Variants in EIF4ENIF1 observed in about 807,000 individuals in gnomAD.
EIF4ENIF1 encodes the protein eukaryotic translation initiation factor 4E nuclear import factor 1, also known as eukaryotic translation initiation factor 4E transporter.
A neutral mutation model predicts 110.5 loss-of-function variants in EIF4ENIF1; 23 were observed. The ratio of observed to expected loss-of-function variants is 0.21; its 90% CI spans 0.15 to 0.29. EIF4ENIF1 has a LOEUF of 0.29. Ranked by LOEUF, EIF4ENIF1 falls within the 10% of genes least tolerant of loss-of-function variation. The probability of loss-of-function intolerance (pLI) is 1.00; values close to 1 mark genes in which losing one functional copy is unlikely to be tolerated. For synonymous variants in EIF4ENIF1, 440 were observed against 437.0 expected, an observed-to-expected ratio of 1.01 and a Z score of -0.09; for missense variants, 1,031 against 1,221.1, an observed-to-expected ratio of 0.84 and a Z score of 2.32.
intron 2 of EIF4ENIF1, among the ~76,000 whole-genome samples, chr22:31,482,409 C>T (rs1014439062): frequency 6.6e-6 from 1 of 152,116 alleles, no homozygotes; most frequent in South Asian, 2.1e-4. Flanking sequence ...TGGCCGGGTG[C>T]GGTAGCTCAC....
In EIF4ENIF1 at chr22:31,444,688, T is replaced by G; in HGVS notation, c.1991A>C (p.Gln664Pro). ...TGCTGGTGACTTGGTCACTCGCTGT[T>G]GCCTGTGAACAAACCAATTATCAGC... Reference protein sequence around the residue: ...DRTRDGFRNRQQRVTKSPAPV... With the variant: ...DRTRDGFRNRPQRVTKSPAPV... Residue 664 changes from glutamine to proline, a missense_variant and splice_region_variant, in exon 15 of 19, where the codon CAA becomes CCA. Physicochemically the swap from Gln to Pro is moderately conservative, Grantham distance 76. This residue lies in a region of EIF4ENIF1 where 704 missense variants were observed against 879.7 expected (regional missense o/e 0.80). Transcript: ENST00000330125. The G allele has an allele frequency of 6.2e-7, 1 of 1,614,074 alleles. No homozygotes were observed. The highest frequency in any genetic ancestry group is 8.5e-7 in the Non-Finnish European group (1 of 1,179,960).
chr22:31,443,015 G>A lies in EIF4ENIF1; in HGVS notation c.2153C>T (p.Ser718Phe). 6.2e-7 allele frequency: 1 copy of A among 1,614,162 alleles called. No homozygotes were observed. Among genetic ancestry groups the A allele is most frequent in the South Asian group, 1.1e-5 (1 of 91,074 alleles). Residue 718 changes from serine to phenylalanine, a missense_variant, in exon 16 of 19, where the codon TCT becomes TTT. Ser to Phe is a radical substitution (Grantham distance 155). Transcript: ENST00000330125. ...ACTGTCACCAAGAGCTGCTTTTCCA[G>A]ATGCTGGCTCCTCCTTGCTTTTCTC... ...SKEKSKEEPA[S>F]GKAALGDSKE...
chr22:31,476,336 T>C (rs2051571616), intron 2 of EIF4ENIF1, among the ~76,000 whole-genome samples: 1 of 152,220 alleles, frequency 6.6e-6, no homozygotes, highest in African/African-American at 2.4e-5. Context: ...GTGTTCTCAA[T>C]TACCACTACA....
At chr22:31,448,095 A>T in intron 13 of EIF4ENIF1, 58 bp downstream of exon 13, 2 of 1,571,754 alleles carry the variant, frequency 1.3e-6, no homozygotes, top group Non-Finnish European at 1.8e-6. Flanking sequence ...TCCACTCCCC[A>T]TGCACCAAGA....
At chr22:31,456,304 A>G (rs1416179184) in intron 7 of EIF4ENIF1, among the ~76,000 whole-genome samples, 1 of 150,956 alleles carries the variant, frequency 6.6e-6, no homozygotes, top group African/African-American at 2.4e-5. Flanking sequence ...GCTCACTGCA[A>G]GCTCCGCCTC....
chr22:31,456,069 C>G, intron 7 of EIF4ENIF1, 82 bp from the exon 8 acceptor site: 1 of 1,419,772 alleles, frequency 7.0e-7, no homozygotes, highest in Non-Finnish European at 9.6e-7. Flanking sequence ...GGGTCACTTA[C>G]TTTGAAACTT....
Position 31,449,344 on chromosome 22 carries a change from T to G in EIF4ENIF1, c.1768+4A>C. ...TATTTCTTTTGACAAATAAGTATAT[T>G]TACCAATTGGTGATGGTATTCTTGG... On this transcript the variant is annotated splice_donor_region_variant and intron_variant, in intron 12 of 18. Coordinates refer to ENST00000330125, the MANE Select transcript of EIF4ENIF1 (RefSeq NM_019843.4). 3 of 1,612,948 alleles carry G rather than the reference T, an allele frequency of 1.9e-6. No homozygotes were observed. The highest frequency in any genetic ancestry group is 2.5e-6 in the Non-Finnish European group (3 of 1,179,500).
chr22:31,448,224 G>T lies in EIF4ENIF1; in HGVS notation c.1777C>A (p.Pro593Thr). The change falls in exon 13 of 19, where the codon CCA (proline) becomes ACA (threonine). Residue 593 changes from proline to threonine, a missense_variant. Physicochemically the swap from Pro to Thr is conservative, Grantham distance 38. This residue lies in a region of EIF4ENIF1 where 704 missense variants were observed against 879.7 expected (regional missense o/e 0.80). Coordinates refer to ENST00000330125, the MANE Select transcript of EIF4ENIF1 (RefSeq NM_019843.4). ...PRIPSPIGFT[P>T]GPQQLLGDPF... ...TCTCCGAGTAGCTGCTGTGGTCCTGGTGTGAAACCTGTCGGGAAAGTTAGT... is the reference window on the plus strand; with the variant it reads ...TCTCCGAGTAGCTGCTGTGGTCCTGTTGTGAAACCTGTCGGGAAAGTTAGT... The T allele has an allele frequency of 6.2e-7, 1 of 1,614,162 alleles. No individual in the cohort carries two copies. The highest frequency in any genetic ancestry group is 1.3e-5 in the African/African-American group (1 of 75,052).
At chr22:31,452,013 A>G (rs1315936508) in intron 10 of EIF4ENIF1, among the ~76,000 whole-genome samples, 2 of 152,254 alleles carry the variant, frequency 1.3e-5, no homozygotes, top group Non-Finnish European at 2.9e-5. Context: ...AGATGATTTT[A>G]TAAGTAATCT....
At chr22:31,485,434 G>T (rs2063377039) in intron 2 of EIF4ENIF1, among the ~76,000 whole-genome samples, 1 of 152,130 alleles carries the variant, frequency 6.6e-6, no homozygotes, top group Non-Finnish European at 1.5e-5. Context: ...CATACACAAA[G>T]ATGAAATATA....
At chr22:31,440,567 T>G (rs1305832503) in intron 18 of EIF4ENIF1, 137 bp downstream of exon 18, 1 of 1,100,394 alleles carries the variant, frequency 9.1e-7, no homozygotes, top group Non-Finnish European at 1.3e-6. Flanking sequence ...CATCTTATTA[T>G]CTGGTTACAC....
At chr22:31,476,218 CAA>C (rs1204551935) in intron 2 of EIF4ENIF1, among the ~76,000 whole-genome samples, 1 of 152,178 alleles carries the variant, frequency 6.6e-6, no homozygotes, top group African/African-American at 2.4e-5. Flanking sequence ...GCTATTCAAT[CAA>C]AGACAATCTT....
At position 31,458,732 on chromosome 22, in the gene EIF4ENIF1, T is replaced by C. The variant is rs565508361; in HGVS notation, c.788-82A>G. 50 of 1,297,252 alleles carry C rather than the reference T, an allele frequency of 3.9e-5. No homozygotes were observed. In the African/African-American group the frequency reaches 6.5e-4, roughly 17 times the overall value. The allele number at this position is 1,297,252 out of a possible 1,614,324, so 80.4% of individuals were successfully genotyped here. On this transcript the variant is annotated intron_variant, in intron 6 of 18. Transcript: ENST00000330125. Reference sequence around the variant, plus strand: ...CTGTGGCTTCAGCCATCAGTATACATGTAGAAGAGCCACACATGACTTAAA... The same window carrying C: ...CTGTGGCTTCAGCCATCAGTATACACGTAGAAGAGCCACACATGACTTAAA...
intron 7 of EIF4ENIF1, among the ~76,000 whole-genome samples, chr22:31,456,471 C>T (rs1251208309): frequency 1.3e-5 from 2 of 151,976 alleles, no homozygotes; most frequent in South Asian, 2.1e-4. Flanking sequence ...GATCCGCCCG[C>T]CTTGGCCTCC....
At chr22:31,471,377 C>T (rs544027741) in intron 3 of EIF4ENIF1, among the ~76,000 whole-genome samples, 6 of 150,830 alleles carry the variant, frequency 4.0e-5, no homozygotes, top group East Asian at 4.0e-4. Context: ...TGCAGTAGTG[C>T]GATCTCAGCT....
chr22:31,485,856 C>T (rs982844657), intron 2 of EIF4ENIF1, among the ~76,000 whole-genome samples: 1 of 152,044 alleles, frequency 6.6e-6, no homozygotes, highest in African/African-American at 2.4e-5. Context: ...TGGCTCACAC[C>T]TATAATCCCA....
chr22:31,486,651 C>T (rs939889929), intron 2 of EIF4ENIF1, among the ~76,000 whole-genome samples: 9 of 151,670 alleles, frequency 5.9e-5, no homozygotes, highest in Admixed American at 2.0e-4. Flanking sequence ...TGGTGGCGCA[C>T]GCCTGTAGTC....
At chr22:31,478,156 A>C in intron 2 of EIF4ENIF1, among the ~76,000 whole-genome samples, 1 of 152,220 alleles carries the variant, frequency 6.6e-6, no homozygotes, top group Non-Finnish European at 1.5e-5. Context: ...AAGATGCTTA[A>C]GGTGGTATCC....
intron 7 of EIF4ENIF1, among the ~76,000 whole-genome samples, chr22:31,456,372 T>A (rs56361498): frequency 6.6e-6 from 1 of 151,102 alleles, no homozygotes; most frequent in Non-Finnish European, 1.5e-5. Context: ...TACAGGCGCC[T>A]GCCACCACGC....
Sources: gnomAD v4.1 joint callset for allele counts (sites outside exome capture counted in the v4.1 genomes callset) on GRCh38, gnomAD v4.1.1 for gene constraint, gnomAD v4.1.1 regional missense constraint, MANE v1.5 for transcripts, NCBI Gene and HGNC (gene_info 2026-07-23, HGNC 2026-07-21) for gene names.